Variants in TREM1 observed in about 807,000 individuals in gnomAD.
The protein encoded by TREM1 is triggering receptor expressed on myeloid cells 1, also known as triggering receptor expressed on monocytes 1.
In TREM1, 16 loss-of-function variants were observed where a neutral mutation model predicts 22.4. That is an observed-to-expected ratio of 0.71 (90% CI 0.48 to 1.08). The LOEUF (loss-of-function observed/expected upper bound fraction) is 1.08, where lower values mean the gene tolerates loss of function less well. TREM1 is among the 50% of genes least tolerant of loss of function. TREM1 has a pLI of 0.00. For synonymous variants in TREM1, 110 were observed against 111.6 expected (o/e 0.99, Z 0.09); for missense variants, 283 against 282.9 (o/e 1.00, Z 0.00).
intron 1 of TREM1, among the ~76,000 whole-genome samples, 175 bp downstream of exon 1, chr6:41,286,432 C>A (rs555662487): frequency 6.6e-6 from 1 of 152,320 alleles, no homozygotes; most frequent in Admixed American, 6.5e-5. Flanking sequence ...CCTTCTTTTA[C>A]TTTTGTGTGC....
chr6:41,270,455 A>AT (rs1767448555), downstream of TREM1, among the ~76,000 whole-genome samples: 3 of 3,276 alleles, frequency 9.2e-4, no homozygotes, highest in South Asian at 0.022. Flanking sequence ...TAATATATAT[A>AT]TATATATATA....
intron 3 of TREM1, among the ~76,000 whole-genome samples, chr6:41,279,078 C>T (rs781712841): frequency 6.6e-6 from 1 of 152,246 alleles, no homozygotes; most frequent in Non-Finnish European, 1.5e-5. Flanking sequence ...CAGCCCTCCC[C>T]CTTCCACCAC....
chr6:41,267,592 A>T (rs919399338), downstream of TREM1, among the ~76,000 whole-genome samples: 3 of 150,040 alleles, frequency 2.0e-5, no homozygotes, highest in Non-Finnish European at 4.4e-5. Context: ...AGTAAAGATT[A>T]AAAAAAACAC....
At chr6:41,279,635 G>A in intron 3 of TREM1, 1 of 985,344 alleles carries the variant, frequency 1.0e-6, no homozygotes, top group Non-Finnish European at 1.2e-6. Context: ...CCATATGGAG[G>A]TGGAGTCTAC....
intron 3 of TREM1, 81 bp downstream of exon 3, chr6:41,280,880 T>G: frequency 1.2e-6 from 2 of 1,604,304 alleles, no homozygotes; most frequent in South Asian, 1.1e-5. Context: ...TTTCCCTCAC[T>G]TTCACATCCT....
rs1226646428 is a variant in TREM1, at chr6:41,274,653, C to CTTTAT, written c.*1471_*1472insATAAA. Among the ~76,000 whole-genome samples, 1 of 152,102 alleles carries CTTTAT rather than the reference C, an allele frequency of 6.6e-6. No individual in the cohort carries two copies. The highest frequency in any genetic ancestry group is 2.4e-5 in the African/African-American group (1 of 41,394). Reference sequence around the variant, plus strand: ...GATGAAATAAATGCCCACCACACACCTTCTAATGGGCTCAAAATTGCGGTT... The same window carrying CTTTAT: ...GATGAAATAAATGCCCACCACACACCTTTATTTCTAATGGGCTCAAAATTGCGGTT... On this transcript the variant is annotated 3_prime_UTR_variant, in exon 4 of 4. Coordinates refer to ENST00000244709, the MANE Select transcript of TREM1 (RefSeq NM_018643.5).
At chr6:41,268,003 T>C (rs1337623371) in exon 4 of TREM1, 2 of 398,550 alleles carry the variant, frequency 5.0e-6, no homozygotes, top group Non-Finnish European at 4.4e-6. Flanking sequence ...AAGAACTGAC[T>C]TATCCGAAAG....
downstream of TREM1, chr6:41,270,318 G>C (rs895887204): frequency 6.6e-6 from 1 of 152,226 alleles, no homozygotes; most frequent in Non-Finnish European, 1.5e-5. Context: ...CAGACACAGC[G>C]CCACAGACAA....
chr6:41,273,901 TCC>T lies in TREM1; in HGVS notation c.*2222_*2223del, dbSNP rs1174371857. ...CCACCCTCGGCTCTCCTCTCATGCT[TCC>T]CATTGGCTCAACCAGCCAGAAGCTG... is the stretch of plus-strand genomic sequence containing the variant. On this transcript the variant is annotated 3_prime_UTR_variant, in exon 4 of 4. Transcript: ENST00000244709. Among the ~76,000 whole-genome samples, 1 of 152,176 alleles carries T rather than the reference TCC, an allele frequency of 6.6e-6. No homozygotes were observed. The highest frequency in any genetic ancestry group is 1.5e-5 in the Non-Finnish European group (1 of 68,026).
intron 3 of TREM1, chr6:41,280,417 A>T (rs1183069852): frequency 1.0e-6 from 1 of 991,678 alleles, no homozygotes; most frequent in Non-Finnish European, 1.2e-6. Context: ...ACATGCAACA[A>T]TGTTATTTAA....
Position 41,275,726 on chromosome 6 carries a change from C to T in TREM1, c.*399G>A, listed in dbSNP as rs1767638449. ...GAGCAGGATGCTTCTGTAGTGGGAG[C>T]TCTGTCCAGGTCAGGCCAAAATTGT... On this transcript the variant is annotated 3_prime_UTR_variant, in exon 4 of 4. Coordinates refer to ENST00000244709, the MANE Select transcript of TREM1 (RefSeq NM_018643.5). 5.4e-6 allele frequency: 1 copy of T among 183,622 alleles called. No homozygotes were observed. The highest frequency in any genetic ancestry group is 1.0e-4 in the South Asian group (1 of 9,982). The allele number at this position is 183,622 out of a possible 1,614,324, so 11.4% of individuals were successfully genotyped here.
At chr6:41,270,446 A>AATATATATATATATAT (rs68021402), downstream of TREM1, among the ~76,000 whole-genome samples, 105 of 143,970 alleles carry the variant, frequency 7.3e-4, 1 homozygote, top group African/African-American at 2.5e-3. Context: ...GATATTATAT[A>AATATATATATATATAT]ATATATATAT....
chr6:41,284,665 A>G (rs1253987123), intron 1 of TREM1, among the ~76,000 whole-genome samples: 5 of 152,018 alleles, frequency 3.3e-5, no homozygotes, highest in Admixed American at 3.3e-4. Context: ...TATTAATACC[A>G]CACACTTAGG....
rs749320417 is a variant in TREM1 at position 41,286,595 on chromosome 6, T to A, written c.49+12A>T. ...AAACGCCTCCCCTGCTCAGTCCTCTTCCTTGTCTTACCTGAGACAAAGAGC... is the reference window on the plus strand; with the variant it reads ...AAACGCCTCCCCTGCTCAGTCCTCTACCTTGTCTTACCTGAGACAAAGAGC... On this transcript the variant is annotated intron_variant, in intron 1 of 3. Transcript: ENST00000244709. The A allele has an allele frequency of 6.2e-7, 1 of 1,613,818 alleles. No individual in the cohort carries two copies. Among genetic ancestry groups the A allele is most frequent in the South Asian group, 1.1e-5 (1 of 91,044 alleles).
chr6:41,286,378 T>TAACAACATCG (rs768909850), intron 1 of TREM1, among the ~76,000 whole-genome samples: 12 of 152,238 alleles, frequency 7.9e-5, no homozygotes, highest in Non-Finnish European at 1.8e-4. Context: ...TGCATGTCTC[T>TAACAACATCG]AACAACATCG....
rs1029095669 is a variant in TREM1, at chr6:41,274,943, C to T, written c.*1182G>A. Among the ~76,000 whole-genome samples, 35 of 152,058 alleles carry T rather than the reference C, an allele frequency of 2.3e-4. No homozygotes were observed. Among genetic ancestry groups the T allele is most frequent in the African/African-American group, 7.7e-4 (32 of 41,384 alleles). ...GCATCACTAAATTGGGCTGGAAGGA[C>T]CCACCATCCTTTCCCCACCCATGAG... is the stretch of plus-strand genomic sequence containing the variant. On this transcript the variant is annotated 3_prime_UTR_variant, in exon 4 of 4. Transcript: ENST00000244709.
chr6:41,280,698 T>C (rs867264273), intron 3 of TREM1: 1 of 1,424,096 alleles, frequency 7.0e-7, no homozygotes, highest in Non-Finnish European at 9.1e-7. Flanking sequence ...TTGGGGAAGA[T>C]GCCATTTCCC....
At chr6:41,278,999 G>A (rs994037113) in intron 3 of TREM1, among the ~76,000 whole-genome samples, 1 of 152,126 alleles carries the variant, frequency 6.6e-6, no homozygotes, top group South Asian at 2.1e-4. Flanking sequence ...ACTTTCTAAA[G>A]CTAAAACAAA....
intron 3 of TREM1, among the ~76,000 whole-genome samples, chr6:41,277,246 T>C (rs1470405638): frequency 6.6e-6 from 1 of 152,026 alleles, no homozygotes; most frequent in Non-Finnish European, 1.5e-5. Context: ...GAAAACTGCC[T>C]ATTTGCCTGA....
Sources: gnomAD v4.1 joint callset for allele counts (sites outside exome capture counted in the v4.1 genomes callset) on GRCh38, gnomAD v4.1.1 for gene constraint, MANE v1.5 for transcripts, NCBI Gene and HGNC (gene_info 2026-07-23, HGNC 2026-07-21) for gene names.